ANXA5: variants seen among roughly 807,000 people sequenced by gnomAD.
ANXA5 encodes annexin A5, also known as CBP-I.
Under a neutral mutation model 48.1 loss-of-function variants are expected in ANXA5, and 40 were observed. That is an observed-to-expected ratio of 0.83 (90% CI 0.65 to 1.08). ANXA5 has a LOEUF of 1.08. ANXA5 is among the 50% of genes least tolerant of loss of function. The pLI is 0.00. For synonymous variants in ANXA5, 113 were observed against 129.1 expected, an observed-to-expected ratio of 0.88 and a Z score of 0.85; for missense variants, 357 against 376.8, an observed-to-expected ratio of 0.95 and a Z score of 0.44.
chr4:121,686,501 G>T (rs1349452360), intron 2 of ANXA5, 129 bp from the exon 3 acceptor site: 13 of 720,514 alleles, frequency 1.8e-5, no homozygotes, highest in Non-Finnish European at 3.0e-5. Context: ...GATAAGATTT[G>T]TGACCCCTTT....
intron 2 of ANXA5, among the ~76,000 whole-genome samples, chr4:121,690,387 G>T (rs1724962390): frequency 6.6e-6 from 1 of 152,188 alleles, no homozygotes. Context: ...GAAAGAAAGA[G>T]GAGGCAGTGT....
chr4:121,676,636 G>T (rs992759221), intron 8 of ANXA5, among the ~76,000 whole-genome samples: 4 of 147,836 alleles, frequency 2.7e-5, no homozygotes, highest in Admixed American at 1.4e-4. Context: ...TAAATAGATG[G>T]CTTCCAGAGA....
intron 2 of ANXA5, among the ~76,000 whole-genome samples, chr4:121,690,136 C>A (rs902664687): frequency 6.6e-6 from 1 of 152,218 alleles, no homozygotes; most frequent in African/African-American, 2.4e-5. Flanking sequence ...CAGAGCTTCA[C>A]ATAGATCATC....
At chr4:121,672,206 G>A (rs1455741496) in intron 9 of ANXA5, among the ~76,000 whole-genome samples, 1 of 152,174 alleles carries the variant, frequency 6.6e-6, no homozygotes, top group East Asian at 1.9e-4. Flanking sequence ...ACTATCCAGA[G>A]ATAAGGTCCT....
chr4:121,683,650 G>C (rs1203810259), intron 4 of ANXA5, among the ~76,000 whole-genome samples, 173 bp from the exon 5 acceptor site: 1 of 151,772 alleles, frequency 6.6e-6, no homozygotes, highest in Non-Finnish European at 1.5e-5. Context: ...TTTAACCTGT[G>C]ACCAAAATCT....
intron 3 of ANXA5, among the ~76,000 whole-genome samples, chr4:121,685,030 A>AATG (rs1228374501): frequency 1.6e-5 from 2 of 126,664 alleles, no homozygotes; most frequent in Non-Finnish European, 3.3e-5. Flanking sequence ...AAAAAAAAAA[A>AATG]TATGTATATA....
intron 3 of ANXA5, 59 bp downstream of exon 3, chr4:121,686,226 TTAA>T: frequency 8.1e-7 from 1 of 1,236,698 alleles, no homozygotes; most frequent in Non-Finnish European, 1.2e-6. Context: ...CTTACTGTAA[TTAA>T]TGACTTGTTT....
intron 8 of ANXA5, among the ~76,000 whole-genome samples, chr4:121,673,806 A>G (rs1724650711): frequency 6.6e-6 from 1 of 152,188 alleles, no homozygotes; most frequent in Non-Finnish European, 1.5e-5. Context: ...CTTTCTTAAA[A>G]TAACTTTTAA....
At chr4:121,671,189 C>G (rs775483675) in intron 10 of ANXA5, among the ~76,000 whole-genome samples, 8 of 152,130 alleles carry the variant, frequency 5.3e-5, no homozygotes, top group Non-Finnish European at 1.0e-4. Context: ...GCTGAGAGAA[C>G]AGTATTCAAA....
intron 7 of ANXA5, 70 bp from the exon 8 acceptor site, chr4:121,678,020 C>A: frequency 8.4e-7 from 1 of 1,185,056 alleles, no homozygotes; most frequent in East Asian, 2.3e-5. Flanking sequence ...ATGGTTCCAC[C>A]TGATGGTTAT....
chr4:121,678,265 C>T (rs990414942), intron 7 of ANXA5, 150 bp downstream of exon 7: 1 of 665,074 alleles, frequency 1.5e-6, no homozygotes. Flanking sequence ...CACAAACAAG[C>T]ACAGGCAACA....
intron 2 of ANXA5, among the ~76,000 whole-genome samples, chr4:121,692,370 C>A (rs917911444): frequency 1.3e-5 from 2 of 152,154 alleles, no homozygotes; most frequent in African/African-American, 4.8e-5. Flanking sequence ...TTGACAAACA[C>A]CAATAAAATG....
At position 121,691,961 on chromosome 4, in the gene ANXA5, A is replaced by G. The variant is rs571210621; in HGVS notation, c.9+4620T>C. 3.3e-5 allele frequency among the ~76,000 whole-genome samples: 5 copies of G among 152,358 alleles called. 1 individual carries two copies. The highest frequency in any genetic ancestry group is 1.2e-4 in the African/African-American group (5 of 41,574). On this transcript the variant is annotated intron_variant, in intron 2 of 12. Transcript: ENST00000296511. The stretch of plus-strand genomic sequence containing the variant: ...CCTCCAAGAAGACTGAGGAGTACAA[A>G]CACATCAGAGGTCAGAGACATGCTC...
At chr4:121,677,993 C>G in intron 7 of ANXA5, 43 bp from the exon 8 acceptor site, 2 of 1,533,380 alleles carry the variant, frequency 1.3e-6, no homozygotes, top group Non-Finnish European at 1.8e-6. Context: ...ATAGAGCATT[C>G]TCATTCAAAA....
At chr4:121,684,966 G>C (rs935219725) in intron 3 of ANXA5, among the ~76,000 whole-genome samples, 195 bp from the exon 4 acceptor site, 1 of 150,620 alleles carries the variant, frequency 6.6e-6, no homozygotes, top group Non-Finnish European at 1.5e-5. Context: ...GATTGCTTGA[G>C]GCCAGGAGTT....
At chr4:121,695,148 C>A (rs1354783572) in intron 2 of ANXA5, among the ~76,000 whole-genome samples, 1 of 152,116 alleles carries the variant, frequency 6.6e-6, no homozygotes, top group African/African-American at 2.4e-5. Context: ...ACCAGCATAT[C>A]AAGATAGGAA....
At position 121,684,743 on chromosome 4, in the gene ANXA5, C is replaced by A; in HGVS notation, c.123G>T (p.Leu41=). 1 of 1,614,006 alleles carries A rather than the reference C, an allele frequency of 6.2e-7. No homozygotes were observed. ...GCTGAGCATTACTTCGGGATGTCAACAGAGTCAGGATGCTCTCCTCATCTG... is the reference window on the plus strand; with the variant it reads ...GCTGAGCATTACTTCGGGATGTCAAAAGAGTCAGGATGCTCTCCTCATCTG... ...LGTDEESILT[L]LTSRSNAQRQ... Residue 41 remains leucine (L), a synonymous_variant, in exon 4 of 13, where the codon CTG becomes CTT. Transcript: ENST00000296511.
intron 8 of ANXA5, among the ~76,000 whole-genome samples, chr4:121,675,545 T>G (rs1724683139): frequency 1.3e-5 from 2 of 152,246 alleles, no homozygotes; most frequent in Non-Finnish European, 2.9e-5. Flanking sequence ...TAACATGTTC[T>G]GTATTGCTCC....
chr4:121,686,148 G>T, intron 3 of ANXA5, 140 bp downstream of exon 3: 4 of 623,602 alleles, frequency 6.4e-6, no homozygotes, highest in Admixed American at 5.8e-5. Flanking sequence ...CTGGTTTATA[G>T]TATTATTTTG....
Sources: gnomAD v4.1 joint callset for allele counts (sites outside exome capture counted in the v4.1 genomes callset) on GRCh38, gnomAD v4.1.1 for gene constraint, MANE v1.5 for transcripts, NCBI Gene and HGNC (gene_info 2026-07-23, HGNC 2026-07-21) for gene names.